Variants in HERC1 observed in about 807,000 individuals in gnomAD.
HERC1 encodes HECT and RLD domain containing E3 ubiquitin protein ligase family member 1, also known as probable E3 ubiquitin-protein ligase HERC1.
A neutral mutation model predicts 554.3 loss-of-function variants in HERC1; 160 were observed. The observed-to-expected ratio is 0.29, with a 90% CI of 0.25 to 0.33. HERC1 has a LOEUF of 0.33. HERC1 is among the 10% of genes least tolerant of loss of function. HERC1 has a pLI of 1.00. For missense variants in HERC1, 4,919 were observed against 5,918.5 expected (o/e 0.83, Z 5.54); for synonymous variants, 2,175 against 2,131.7 (o/e 1.02, Z -0.56).
intron 74 of HERC1, among the ~76,000 whole-genome samples, chr15:63,620,095 A>G (rs1219273664): frequency 6.6e-6 from 1 of 151,488 alleles, no homozygotes; most frequent in Non-Finnish European, 1.5e-5. Context: ...TAGGGTGTCA[A>G]TTTTCGATCT....
chr15:63,659,344 T>C (rs1157629754), intron 47 of HERC1, among the ~76,000 whole-genome samples: 1 of 152,126 alleles, frequency 6.6e-6, no homozygotes, highest in Non-Finnish European at 1.5e-5. Context: ...CTCAAACTCC[T>C]GGGATTAAAC....
intron 33 of HERC1, among the ~76,000 whole-genome samples, chr15:63,689,188 T>A (rs552470807): frequency 2.2e-4 from 34 of 151,486 alleles, no homozygotes; most frequent in Non-Finnish European, 4.9e-4. Context: ...AGAGGTAAAG[T>A]AAGAAGTGGA....
chr15:63,675,184 A>C, intron 37 of HERC1, 67 bp from the exon 38 acceptor site: 1 of 1,328,320 alleles, frequency 7.5e-7, no homozygotes, highest in South Asian at 1.4e-5. Context: ...AGGTACGGAA[A>C]ATAATGTAGA....
intron 1 of HERC1, among the ~76,000 whole-genome samples, chr15:63,778,937 A>G (rs1016499087): frequency 6.6e-6 from 1 of 152,124 alleles, no homozygotes; most frequent in Non-Finnish European, 1.5e-5. Flanking sequence ...AGACAAAAAG[A>G]AAGAAAAAGA....
chr15:63,647,573 A>ACAATAG (rs1326631231), intron 55 of HERC1, among the ~76,000 whole-genome samples: 10 of 152,336 alleles, frequency 6.6e-5, no homozygotes, highest in South Asian at 4.1e-4. Flanking sequence ...AACACCATTC[A>ACAATAG]CAATAGCAAA....
intron 45 of HERC1, among the ~76,000 whole-genome samples, chr15:63,661,344 G>C (rs2070348105): frequency 6.6e-6 from 1 of 151,878 alleles, no homozygotes; most frequent in South Asian, 2.1e-4. Context: ...TACTCTCTAG[G>C]GATTAAGGAT....
chr15:63,618,066 A>G (rs1179674153), intron 74 of HERC1, among the ~76,000 whole-genome samples: 2 of 152,128 alleles, frequency 1.3e-5, no homozygotes, highest in Admixed American at 1.3e-4. Context: ...TGTTTTAGAC[A>G]TGAAGTCCTT....
intron 2 of HERC1, among the ~76,000 whole-genome samples, chr15:63,771,187 T>TA (rs2075944325): frequency 6.7e-6 from 1 of 148,654 alleles, no homozygotes; most frequent in Non-Finnish European, 1.5e-5. Flanking sequence ...AAACTCTACC[T>TA]CAAAAAAAAA....
chr15:63,808,247 G>A (rs1332516136), intron 1 of HERC1, among the ~76,000 whole-genome samples: 2 of 152,030 alleles, frequency 1.3e-5, no homozygotes, highest in Non-Finnish European at 2.9e-5. Flanking sequence ...AATAACGGCT[G>A]CTATCAAACT....
At chr15:63,747,285 C>A (rs2141678597) in intron 11 of HERC1, among the ~76,000 whole-genome samples, 1 of 152,064 alleles carries the variant, frequency 6.6e-6, no homozygotes, top group Admixed American at 6.6e-5. Flanking sequence ...CATGGCAAAA[C>A]CCCGCCTCTA....
chr15:63,721,005 C>T (rs74021328), intron 19 of HERC1, among the ~76,000 whole-genome samples: 1,879 of 152,166 alleles, frequency 0.012, 36 homozygotes, highest in African/African-American at 0.043. Context: ...CAAACAGACC[C>T]ATACAACAAG....
chr15:63,798,333 A>C lies in HERC1; in HGVS notation c.-26-22684T>G, dbSNP rs1405101336. ...CTCAGTGCTTAACCAGTTAAAGACTAATTACTTTTAACCAACAACTGCCTC... is the reference window on the plus strand; with the variant it reads ...CTCAGTGCTTAACCAGTTAAAGACTCATTACTTTTAACCAACAACTGCCTC... On this transcript the variant is annotated intron_variant, in intron 1 of 77. Coordinates refer to ENST00000443617, the MANE Select transcript of HERC1 (RefSeq NM_003922.4). Among the ~76,000 whole-genome samples the C allele has an allele frequency of 2.0e-5, 3 of 152,304 alleles. No homozygotes were observed. In the East Asian group the frequency reaches 5.8e-4, roughly 29 times the overall value.
chr15:63,689,403 G>C (rs1449229125), intron 33 of HERC1, among the ~76,000 whole-genome samples, 186 bp downstream of exon 33: 1 of 152,136 alleles, frequency 6.6e-6, no homozygotes, highest in East Asian at 1.9e-4. Flanking sequence ...ATTTAGGAGA[G>C]AGGAAATGAG....
At chr15:63,653,029 A>C (rs2069785841) in intron 51 of HERC1, among the ~76,000 whole-genome samples, 2 of 152,216 alleles carry the variant, frequency 1.3e-5, no homozygotes, top group Admixed American at 6.5e-5. Flanking sequence ...CTATGCACTA[A>C]TGCATTTGAA....
chr15:63,818,794 C>T (rs2077583396), intron 1 of HERC1, among the ~76,000 whole-genome samples: 1 of 152,126 alleles, frequency 6.6e-6, no homozygotes, highest in African/African-American at 2.4e-5. Context: ...TAGAAGCTAC[C>T]AGACTTTCTT....
chr15:63,613,208 T>C (rs117844515), intron 76 of HERC1, among the ~76,000 whole-genome samples: 1 of 152,312 alleles, frequency 6.6e-6, no homozygotes, highest in East Asian at 1.9e-4. Flanking sequence ...AAAGCAGATA[T>C]TGCTGCTCTC....
At chr15:63,824,282 C>T (rs1304014165) in intron 1 of HERC1, among the ~76,000 whole-genome samples, 2 of 152,038 alleles carry the variant, frequency 1.3e-5, no homozygotes, top group African/African-American at 4.8e-5. Context: ...GCCTATAATC[C>T]CAGCACTTTG....
At chr15:63,760,675 A>G (rs533770985) in intron 3 of HERC1, among the ~76,000 whole-genome samples, 4 of 152,156 alleles carry the variant, frequency 2.6e-5, no homozygotes, top group African/African-American at 9.6e-5. Context: ...TATTCAAGAA[A>G]AACTGACAAA....
At chr15:63,637,164 A>G (rs2093952838) in intron 64 of HERC1, 2 of 463,414 alleles carry the variant, frequency 4.3e-6, no homozygotes, top group African/African-American at 4.0e-5. Flanking sequence ...TTCCATATAA[A>G]CTGATTTTTA....
Sources: gnomAD v4.1 joint callset for allele counts (sites outside exome capture counted in the v4.1 genomes callset) on GRCh38, gnomAD v4.1.1 for gene constraint, MANE v1.5 for transcripts, NCBI Gene and HGNC (gene_info 2026-07-23, HGNC 2026-07-21) for gene names.